The following ATP6V0A2 variants were observed in gnomAD, a reference collection of about 807,000 sequenced individuals.
The protein encoded by ATP6V0A2 is ATPase H+ transporting V0 subunit a2, also known as V-type proton ATPase 116 kDa subunit a 2.
A neutral mutation model predicts 104.4 loss-of-function variants in ATP6V0A2; 58 were observed. The observed-to-expected ratio is 0.56, with a 90% confidence interval of 0.45 to 0.69. The LOEUF is 0.69. ATP6V0A2 is among the 30% of genes least tolerant of loss of function. The pLI is 0.00. For missense variants in ATP6V0A2, 938 were observed against 1,062.9 expected (o/e 0.88, Z 1.63); for synonymous variants, 376 against 397.9 (o/e 0.95, Z 0.65).
At chr12:123,748,899 G>T in intron 15 of ATP6V0A2, 114 bp downstream of exon 15, 1 of 1,023,714 alleles carries the variant, frequency 9.8e-7, no homozygotes, top group Non-Finnish European at 1.5e-6. Context: ...GGCTGCTTCT[G>T]TCTCTGCATG....
In ATP6V0A2 at chr12:123,744,289, CTT is replaced by C. The variant is rs761843727; in HGVS notation, c.1279_1280del (p.Leu427ValfsTer5). 4.3e-6 allele frequency: 7 copies of C among 1,614,010 alleles called. No homozygotes were observed. On this transcript the variant is annotated frameshift_variant, in exon 11 of 20. Transcript: ENST00000330342. LOFTEE classifies it high-confidence loss of function. The surrounding 1 kb of genome is among the most constrained non-coding windows in gnomAD (Gnocchi z 5.4). Reference sequence around the variant, plus strand: ...GCTTTGTGATGTTTTTATTTGCCCTCTTGTTGGTGTTAAATGAAAATCATCCC... The same window carrying C: ...GCTTTGTGATGTTTTTATTTGCCCTCGTTGGTGTTAAATGAAAATCATCCC... ...HGFVMFLFAL[L>X]LVLNENHPRL...
chr12:123,744,292 G>T lies in ATP6V0A2; in HGVS notation c.1281G>T (p.Leu427Phe). 1.9e-6 allele frequency: 3 copies of T among 1,614,138 alleles called. No individual in the cohort carries two copies. Residue 427 changes from leucine (L) to phenylalanine (F), a missense_variant, in exon 11 of 20, where the codon TTG (leucine) becomes TTT (phenylalanine). Leu to Phe is a conservative substitution (Grantham distance 22). Transcript: ENST00000330342. This position sits in a 1 kb window ranked among gnomAD's most constrained non-coding sequence, Gnocchi z 5.4. Reference protein sequence around the residue: ...HGFVMFLFALLLVLNENHPRL... With the variant: ...HGFVMFLFALFLVLNENHPRL... Reference sequence around the variant, plus strand: ...TTGTGATGTTTTTATTTGCCCTCTTGTTGGTGTTAAATGAAAATCATCCCA... The same window carrying T: ...TTGTGATGTTTTTATTTGCCCTCTTTTTGGTGTTAAATGAAAATCATCCCA...
intron 2 of ATP6V0A2, among the ~76,000 whole-genome samples, chr12:123,719,533 CGTG>C (rs1262622077): frequency 2.6e-5 from 4 of 151,936 alleles, no homozygotes; most frequent in Non-Finnish European, 5.9e-5. Flanking sequence ...ACTATAGGTG[CGTG>C]CCACCACACC....
chr12:123,736,030 G>A (rs975800128), intron 8 of ATP6V0A2, among the ~76,000 whole-genome samples: 2 of 150,896 alleles, frequency 1.3e-5, no homozygotes, highest in African/African-American at 4.9e-5. Context: ...GCACCACCAT[G>A]CCCGGCCAAT....
chr12:123,716,021 A>G (rs572459914), intron 1 of ATP6V0A2, among the ~76,000 whole-genome samples: 1 of 152,050 alleles, frequency 6.6e-6, no homozygotes, highest in East Asian at 1.9e-4. Context: ...CAAATCCAAG[A>G]TATATAATTT....
In ATP6V0A2 at chr12:123,738,448, C is replaced by T. The variant is rs76086459; in HGVS notation, c.1038+1177C>T. Among the ~76,000 whole-genome samples the T allele has an allele frequency of 2.4e-3, 365 of 150,800 alleles. 3 individuals carry two copies. Among genetic ancestry groups the T allele is most frequent in the African/African-American group, 8.2e-3 (337 of 41,250 alleles). On this transcript the variant is annotated intron_variant, in intron 9 of 19. Coordinates refer to ENST00000330342, the MANE Select transcript of ATP6V0A2 (RefSeq NM_012463.4). ...TTCTTTTTTTTGTGAACTATCTGTT[C>T]ATATTCTGCAGCCATTTTCCATCGT...
At chr12:123,736,863 T>A (rs1201190727) in intron 8 of ATP6V0A2, among the ~76,000 whole-genome samples, 196 bp from the exon 9 acceptor site, 2 of 152,046 alleles carry the variant, frequency 1.3e-5, no homozygotes, top group African/African-American at 2.4e-5. Flanking sequence ...GGGCTTAGAT[T>A]TTTCTGCCCA....
At chr12:123,745,022 C>A in intron 13 of ATP6V0A2, 50 bp downstream of exon 13, 1 of 1,561,088 alleles carries the variant, frequency 6.4e-7, no homozygotes, top group Non-Finnish European at 8.8e-7. Flanking sequence ...GTGGTGCCAC[C>A]TAGCTTCGGG....
intron 4 of ATP6V0A2, 88 bp downstream of exon 4, chr12:123,724,879 T>C: frequency 1.9e-6 from 2 of 1,058,934 alleles, no homozygotes; most frequent in South Asian, 1.3e-5. Flanking sequence ...TATTTTGCTA[T>C]TAGTTCATAT....
intron 1 of ATP6V0A2, among the ~76,000 whole-genome samples, 165 bp from the exon 2 acceptor site, chr12:123,718,458 G>A (rs1956365638): frequency 6.6e-6 from 1 of 152,044 alleles, no homozygotes; most frequent in South Asian, 2.1e-4. Flanking sequence ...GGCTTTTTTG[G>A]TAACAGTTGA....
At chr12:123,756,071 ACT>A (rs1189881036) in intron 18 of ATP6V0A2, among the ~76,000 whole-genome samples, 2 of 137,306 alleles carry the variant, frequency 1.5e-5, no homozygotes, top group Non-Finnish European at 3.1e-5. Flanking sequence ...ACAGAGCGAG[ACT>A]CTGTCTCAAA....
At chr12:123,716,376 A>C (rs1214943964) in intron 1 of ATP6V0A2, among the ~76,000 whole-genome samples, 1 of 152,102 alleles carries the variant, frequency 6.6e-6, no homozygotes, top group African/African-American at 2.4e-5. Flanking sequence ...CTAGAAGATA[A>C]AAAATTATTA....
At chr12:123,757,076 C>A (rs947716971) in intron 19 of ATP6V0A2, 90 bp downstream of exon 19, 1 of 1,372,168 alleles carries the variant, frequency 7.3e-7, no homozygotes, top group Non-Finnish European at 1.0e-6. Context: ...ACAGCCCCTG[C>A]AAAATCTAAT....
chr12:123,727,421 G>T (rs759822261), intron 5 of ATP6V0A2, among the ~76,000 whole-genome samples: 8 of 151,912 alleles, frequency 5.3e-5, no homozygotes, highest in Non-Finnish European at 8.8e-5. Flanking sequence ...TGGGATTATG[G>T]GTGCCTGCCA....
chr12:123,755,381 C>G (rs2135921910), intron 18 of ATP6V0A2, among the ~76,000 whole-genome samples: 1 of 151,928 alleles, frequency 6.6e-6, no homozygotes, highest in Non-Finnish European at 1.5e-5. Flanking sequence ...ACTAAAAATA[C>G]AAAAATTAGC....
At chr12:123,752,478 T>C (rs1412415451) in intron 17 of ATP6V0A2, 76 bp downstream of exon 17, 1 of 1,558,092 alleles carries the variant, frequency 6.4e-7, no homozygotes, top group African/African-American at 1.4e-5. Context: ...GTTAAGATAA[T>C]ATTTAATCAT....
At chr12:123,719,807 G>A (rs1397371663) in intron 2 of ATP6V0A2, among the ~76,000 whole-genome samples, 2 of 151,968 alleles carry the variant, frequency 1.3e-5, no homozygotes, top group African/African-American at 4.8e-5. Context: ...TAAACCATCC[G>A]GACCACACAG....
intron 18 of ATP6V0A2, among the ~76,000 whole-genome samples, chr12:123,755,552 TA>T (rs1361631383): frequency 0.01 from 1,123 of 107,310 alleles, 8 homozygotes; most frequent in African/African-American, 0.022. Flanking sequence ...AAAAAAAAGC[TA>T]AAAAAAAAAA....
At position 123,760,119 on chromosome 12, in the gene ATP6V0A2, G is replaced by A. The variant is rs1956795692; in HGVS notation, c.*2087G>A. On this transcript the variant is annotated 3_prime_UTR_variant, in exon 20 of 20. Coordinates refer to ENST00000330342, the MANE Select transcript of ATP6V0A2 (RefSeq NM_012463.4). ...CATCCCTAGGAAGCCCAAGACTTCA[G>A]GGCACTGTTAGCTGATTGGTAAATA... The A allele has an allele frequency of 6.6e-6, 1 of 152,172 alleles. No homozygotes were observed. The highest frequency in any genetic ancestry group is 2.1e-4 in the South Asian group (1 of 4,828). The allele number at this position is 152,172 out of a possible 1,614,324, so 9.4% of individuals were successfully genotyped here. A position where few individuals can be genotyped will look rare whatever the true frequency, so the allele number is the denominator to read the frequency against.
Sources: gnomAD v4.1 joint callset for allele counts (sites outside exome capture counted in the v4.1 genomes callset) on GRCh38, gnomAD v4.1.1 for gene constraint, Gnocchi (gnomAD v3.1) non-coding constraint, MANE v1.5 for transcripts, NCBI Gene and HGNC (gene_info 2026-07-23, HGNC 2026-07-21) for gene names.